The following TEX29 variants were observed in gnomAD, a reference collection of about 807,000 sequenced individuals.
TEX29 encodes testis expressed 29, also known as testis-expressed protein 29.
Under a neutral mutation model 18.2 loss-of-function variants are expected in TEX29, and 26 were observed. The observed-to-expected ratio is 1.43, with a 90% CI of 1.04 to 1.98. The LOEUF (loss-of-function observed/expected upper bound fraction) is 1.98. Ranked by LOEUF, TEX29 falls within the 30% of genes most tolerant of loss-of-function variation. The pLI, the probability that TEX29 is intolerant of heterozygous loss-of-function variation, is 0.00. For missense variants in TEX29, 177 were observed against 194.2 expected, an observed-to-expected ratio of 0.91 and a Z score of 0.53; for synonymous variants, 83 against 78.5, an observed-to-expected ratio of 1.06 and a Z score of -0.31.
intron 3 of TEX29, among the ~76,000 whole-genome samples, chr13:111,338,570 T>G (rs867993470): frequency 3.3e-5 from 5 of 152,176 alleles, no homozygotes; most frequent in Admixed American, 6.5e-5. Flanking sequence ...TCTGATGGTG[T>G]TGTTACTGCT....
Position 111,339,867 on chromosome 13 carries a change from C to A in TEX29, c.174C>A (p.Tyr58Ter), listed in dbSNP as rs1465966283. 6.2e-7 allele frequency: 1 copy of A among 1,614,156 alleles called. No individual in the cohort carries two copies. Among genetic ancestry groups the A allele is most frequent in the Non-Finnish European group, 8.5e-7 (1 of 1,179,994 alleles). ...GVCYKKAVPI[Y>*]IHVFSALIVI... ...TCAAATCCCACCATTTTTCAGTTTACATCCACGTGTTCTCTGCCTTGATTG... is the reference window on the plus strand; with the variant it reads ...TCAAATCCCACCATTTTTCAGTTTAAATCCACGTGTTCTCTGCCTTGATTG... The change falls in exon 4 of 6, where the codon TAC becomes TAA. Residue 58 changes from tyrosine (Y) to a stop codon, truncating the protein, a stop_gained. Transcript: ENST00000283547. LOFTEE classifies it high-confidence loss of function.
At chr13:111,320,993 G>A in intron 2 of TEX29, 45 bp downstream of exon 2, 1 of 479,862 alleles carries the variant, frequency 2.1e-6, no homozygotes, top group Non-Finnish European at 3.2e-6. Context: ...TGGGGGAGCA[G>A]TTGGGGGGGG....
At chr13:111,324,321 CCCTGGAGGCCAGCCTGATG>C (rs2093669377) in intron 2 of TEX29, among the ~76,000 whole-genome samples, 1 of 152,200 alleles carries the variant, frequency 6.6e-6, no homozygotes, top group South Asian at 2.1e-4. Flanking sequence ...TGGAGGTGTC[CCCTGGAGGCCAGCCTGATG>C]CCTGCCTTTC....
At chr13:111,322,343 T>C (rs1156520582) in intron 2 of TEX29, among the ~76,000 whole-genome samples, 1 of 48,144 alleles carries the variant, frequency 2.1e-5, no homozygotes, top group Non-Finnish European at 4.7e-5. Flanking sequence ...CCCTCTCATA[T>C]TCTGGCAAGA....
chr13:111,339,789 G>C (rs1048452050), intron 3 of TEX29, 74 bp from the exon 4 acceptor site: 22 of 1,515,148 alleles, frequency 1.5e-5, no homozygotes, highest in Non-Finnish European at 2.0e-5. Context: ...ACTCTGGGAG[G>C]GTTGCCTTTT....
At chr13:111,319,247 C>T (rs2093659649), upstream of TEX29, among the ~76,000 whole-genome samples, 1 of 152,172 alleles carries the variant, frequency 6.6e-6, no homozygotes, top group South Asian at 2.1e-4. Context: ...TGAAAATCTA[C>T]GTCCACACAG....
chr13:111,318,544 C>T (rs1478470251), upstream of TEX29, among the ~76,000 whole-genome samples: 2 of 152,208 alleles, frequency 1.3e-5, no homozygotes, highest in Admixed American at 6.5e-5. Flanking sequence ...CAGTCCCTGC[C>T]GCCCCCAGCC....
chr13:111,332,921 G>A (rs1416061259), intron 3 of TEX29, among the ~76,000 whole-genome samples: 1 of 152,128 alleles, frequency 6.6e-6, no homozygotes, highest in Non-Finnish European at 1.5e-5. Context: ...GTATAAAGAA[G>A]CTTTGCCAGA....
chr13:111,320,818 C>T (rs1255903144), intron 1 of TEX29, 39 bp from the exon 2 acceptor site: 2 of 1,600,952 alleles, frequency 1.2e-6, no homozygotes, highest in South Asian at 1.1e-5. Flanking sequence ...AAACGACGTC[C>T]CCAGGGCCCC....
At chr13:111,332,864 G>A (rs1482361570) in intron 3 of TEX29, among the ~76,000 whole-genome samples, 1 of 151,988 alleles carries the variant, frequency 6.6e-6, no homozygotes, top group African/African-American at 2.4e-5. Flanking sequence ...TTGACTTACT[G>A]TCTACTTTTC....
At chr13:111,324,149 G>T (rs1595684925) in intron 2 of TEX29, among the ~76,000 whole-genome samples, 1 of 152,188 alleles carries the variant, frequency 6.6e-6, no homozygotes, top group East Asian at 1.9e-4. Flanking sequence ...CGTCTCTGGA[G>T]TTCCCACACA....
intron 4 of TEX29, among the ~76,000 whole-genome samples, chr13:111,342,247 AC>A (rs2093697692): frequency 6.6e-6 from 1 of 152,284 alleles, no homozygotes; most frequent in East Asian, 1.9e-4. Context: ...CCATTTTCCT[AC>A]CATGAGTGGT....
At chr13:111,328,874 C>T (rs1224718641) in intron 3 of TEX29, among the ~76,000 whole-genome samples, 1 of 152,202 alleles carries the variant, frequency 6.6e-6, no homozygotes, top group Non-Finnish European at 1.5e-5. Context: ...GCGCCGGAGG[C>T]GTTGCCACTC....
chr13:111,318,840 C>G (rs2153640986), upstream of TEX29, among the ~76,000 whole-genome samples: 1 of 152,318 alleles, frequency 6.6e-6, no homozygotes, highest in African/African-American at 2.4e-5. Context: ...TATGTCATAG[C>G]CCATCTGGAC....
At chr13:111,318,549 C>G (rs1290802686), upstream of TEX29, among the ~76,000 whole-genome samples, 1 of 152,202 alleles carries the variant, frequency 6.6e-6, no homozygotes, top group Non-Finnish European at 1.5e-5. Flanking sequence ...CCTGCCGCCC[C>G]CAGCCAGTGG....
At chr13:111,342,732 G>A (rs1303621134) in intron 4 of TEX29, 24 bp from the exon 5 acceptor site, 2 of 1,606,970 alleles carry the variant, frequency 1.2e-6, no homozygotes, top group Admixed American at 3.3e-5. Flanking sequence ...TTCCCTGACT[G>A]TGATAAAACC....
At chr13:111,330,831 C>G (rs1443388223) in intron 3 of TEX29, among the ~76,000 whole-genome samples, 1 of 152,166 alleles carries the variant, frequency 6.6e-6, no homozygotes, top group Non-Finnish European at 1.5e-5. Context: ...GTGGTTCTTT[C>G]ACTCACGTAG....
chr13:111,319,655 TCTCC>T (rs2093660543), upstream of TEX29, among the ~76,000 whole-genome samples: 2 of 152,114 alleles, frequency 1.3e-5, no homozygotes, highest in Non-Finnish European at 2.9e-5. Flanking sequence ...TGACACAGTG[TCTCC>T]CTCTGTTGCC....
intron 5 of TEX29, among the ~76,000 whole-genome samples, chr13:111,343,400 C>T (rs1416052155): frequency 2.0e-5 from 3 of 151,224 alleles, no homozygotes; most frequent in Admixed American, 6.6e-5. Context: ...GTGCCCTGGC[C>T]GCCTGGTGGT....
Sources: allele counts gnomAD v4.1 joint callset (sites outside exome capture counted in the v4.1 genomes callset), GRCh38; gene constraint gnomAD v4.1.1; transcripts MANE v1.5; gene names NCBI Gene and HGNC (gene_info 2026-07-23, HGNC 2026-07-21).